Variants in COL6A1 observed in about 807,000 individuals in gnomAD.
COL6A1 encodes the protein collagen type VI alpha 1 chain.
A neutral mutation model predicts 145.6 loss-of-function variants in COL6A1; 80 were observed. The observed-to-expected ratio is 0.55, with a 90% CI of 0.46 to 0.66. COL6A1 has a LOEUF of 0.66. Among genes scored for constraint, COL6A1 ranks in the 30% least tolerant of loss-of-function variants. The pLI is 0.00. For missense variants in COL6A1, 1,364 were observed against 1,473.8 expected (o/e 0.93, Z 1.22); for synonymous variants, 638 against 622.8 (o/e 1.02, Z -0.36).
rs2077853697 is a variant in COL6A1 at position 46,002,617 on chromosome 21, C to G, written c.2341C>G (p.Gln781Glu). The G allele has an allele frequency of 1.2e-6, 2 of 1,614,100 alleles. No homozygotes were observed. Among genetic ancestry groups the G allele is most frequent in the East Asian group, 4.5e-5 (2 of 44,880 alleles). Residue 781 changes from glutamine to glutamate, a missense_variant, in exon 33 of 35, where the codon CAG (glutamine) becomes GAG (glutamate). Gln to Glu is a conservative substitution (Grantham distance 29). This residue lies in a region of COL6A1 where 938 missense variants were observed against 1,003.8 expected (regional missense o/e 0.93). Transcript: ENST00000361866. Reference sequence around the variant, plus strand: ...TTCTTGCCAAGGCCTGGCACCATCCCAGGGCCGGCCCGGCCTCTCGCTGGT... The same window carrying G: ...TTCTTGCCAAGGCCTGGCACCATCCGAGGGCCGGCCCGGCCTCTCGCTGGT... Reference protein sequence around the residue: ...VISCQGLAPSQGRPGLSLVKE... With the variant: ...VISCQGLAPSEGRPGLSLVKE...
chr21:45,989,003 T>C, intron 8 of COL6A1, 81 bp from the exon 9 acceptor site: 1 of 1,541,042 alleles, frequency 6.5e-7, no homozygotes, highest in Non-Finnish European at 8.9e-7. Context: ...GGATGAAGCG[T>C]CTTTTTAAAA....
Position 45,984,341 on chromosome 21 carries a change from C to A in COL6A1, c.300C>A (p.Ile100=). 6.2e-7 allele frequency: 1 copy of A among 1,612,492 alleles called. No homozygotes were observed. Among genetic ancestry groups the A allele is most frequent in the South Asian group, 1.1e-5 (1 of 91,036 alleles). ...ALHYSDEVEI[I]QGLTRMPGGR... is the part of the protein sequence containing the mutation. Reference sequence around the variant, plus strand: ...ACTACAGTGACGAGGTGGAGATCATCCAAGGCCTCACGCGCATGCCTGGCG... The same window carrying A: ...ACTACAGTGACGAGGTGGAGATCATACAAGGCCTCACGCGCATGCCTGGCG... The change falls in exon 3 of 35, where the codon ATC becomes ATA. Residue 100 remains isoleucine, a synonymous_variant. Coordinates refer to ENST00000361866, the MANE Select transcript of COL6A1 (RefSeq NM_001848.3).
chr21:45,990,983 T>C lies in COL6A1; in HGVS notation c.1061T>C (p.Ile354Thr), dbSNP rs2077773578. The change falls in exon 15 of 35, where the codon ATT becomes ACT. Residue 354 changes from isoleucine (I) to threonine (T), a missense_variant. Ile to Thr is a moderately conservative substitution (Grantham distance 89). Transcript: ENST00000361866. ...ATGCTGCCCTCTTTTCTCCAGGGCATTCAAGGACCCCCTGGCCCCAAGGGA... is the reference window on the plus strand; with the variant it reads ...ATGCTGCCCTCTTTTCTCCAGGGCACTCAAGGACCCCCTGGCCCCAAGGGA... ...GCKGSPGFDG[I>T]QGPPGPKGDP... is the part of the protein sequence containing the mutation. The C allele has an allele frequency of 1.2e-6, 2 of 1,613,240 alleles. No homozygotes were observed. The highest frequency in any genetic ancestry group is 8.5e-7 in the Non-Finnish European group (1 of 1,179,918).
chr21:45,986,001 C>G (rs1306435516), intron 3 of COL6A1, among the ~76,000 whole-genome samples: 1 of 152,214 alleles, frequency 6.6e-6, no homozygotes, highest in African/African-American at 2.4e-5. Flanking sequence ...GCTCAGCGTC[C>G]CCAGCAGGCT....
At position 45,990,787 on chromosome 21, in the gene COL6A1, C is replaced by T; in HGVS notation, c.1017C>T (p.Tyr339=). 6.2e-7 allele frequency: 1 copy of T among 1,613,372 alleles called. No homozygotes were observed. Among genetic ancestry groups the T allele is most frequent in the African/African-American group, 1.3e-5 (1 of 74,994 alleles). ...CCTCTTTCCAGGGGGAGATGGGGTA[C>T]CCAGGCCTGCCAGGCTGCAAGGGCT... ...GVDGVKGEMG[Y]PGLPGCKGSP... The change falls in exon 14 of 35, where the codon TAC becomes TAT. Residue 339 remains tyrosine (Y), a synonymous_variant. Transcript: ENST00000361866.
chr21:45,999,159 G>A lies in COL6A1; in HGVS notation c.1681G>A (p.Asp561Asn), dbSNP rs140517685. 106 of 1,600,250 alleles carry A rather than the reference G, an allele frequency of 6.6e-5. No homozygotes were observed. Among genetic ancestry groups the A allele is most frequent in the South Asian group, 3.0e-4 (27 of 88,526 alleles). ...CAACGCTGTTCCCTTCTAGAACAAC[G>A]ACATTGCACCCCGAGGAGTCAAAGG... ...EAGDPGDDNN[D>N]IAPRGVKGAK... The change falls in exon 26 of 35, where the codon GAC becomes AAC. Residue 561 changes from aspartate (D) to asparagine (N), a missense_variant. Around this residue, in one of 3 missense-constraint regions of COL6A1, gnomAD observed 938 missense variants for 1,003.8 expected, o/e 0.93. Transcript: ENST00000361866.
chr21:45,992,622 G>A, intron 18 of COL6A1, 126 bp from the exon 19 acceptor site: 1 of 1,076,032 alleles, frequency 9.3e-7, no homozygotes, highest in Non-Finnish European at 1.4e-6. Flanking sequence ...GGGGCATGCG[G>A]TGGAGGGGTG....
At chr21:45,998,480 A>AAC (rs780006360) in intron 24 of COL6A1, 47 bp downstream of exon 24, 1 of 1,612,192 alleles carries the variant, frequency 6.2e-7, no homozygotes, top group Non-Finnish European at 8.5e-7. Flanking sequence ...ACAAACATTC[A>AAC]CAGTCACAGG....
intron 1 of COL6A1, 48 bp downstream of exon 1, chr21:45,981,995 G>A: frequency 2.1e-6 from 3 of 1,446,684 alleles, no homozygotes; most frequent in Non-Finnish European, 2.9e-6. Flanking sequence ...GCTCTTTGCT[G>A]CCGGCCAGGG....
intron 20 of COL6A1, among the ~76,000 whole-genome samples, chr21:45,995,707 A>G (rs1033611213): frequency 6.6e-6 from 1 of 152,140 alleles, no homozygotes; most frequent in Middle Eastern, 3.2e-3. Flanking sequence ...GGTGGGTCCC[A>G]TGCCTGGGGG....
intron 15 of COL6A1, 144 bp from the exon 16 acceptor site, chr21:45,991,866 G>C (rs917374466): frequency 1.3e-6 from 1 of 767,564 alleles, no homozygotes; most frequent in South Asian, 1.6e-5. Context: ...GATGGCTGAG[G>C]GTGCTGGGGG....
intron 3 of COL6A1, among the ~76,000 whole-genome samples, chr21:45,984,769 C>T (rs2077728233): frequency 6.8e-6 from 1 of 147,536 alleles, no homozygotes; most frequent in Admixed American, 6.7e-5. Context: ...CAGACAGAGA[C>T]AAACAGAGAC....
rs1603589574 is a variant in COL6A1, at chr21:45,984,347, C to A, written c.306C>A (p.Gly102=). ...GTGACGAGGTGGAGATCATCCAAGG[C>A]CTCACGCGCATGCCTGGCGGCCGCG... ...HYSDEVEIIQ[G]LTRMPGGRDA... is the part of the protein sequence containing the mutation. Residue 102 remains glycine (G), a synonymous_variant, in exon 3 of 35, where the codon GGC becomes GGA. Transcript: ENST00000361866. 1 of 1,612,434 alleles carries A rather than the reference C, an allele frequency of 6.2e-7. No homozygotes were observed. The highest frequency in any genetic ancestry group is 1.1e-5 in the South Asian group (1 of 91,046).
At chr21:45,983,618 C>G (rs1435262064) in intron 2 of COL6A1, among the ~76,000 whole-genome samples, 1 of 149,400 alleles carries the variant, frequency 6.7e-6, no homozygotes, top group Non-Finnish European at 1.5e-5. Flanking sequence ...ACCAGGAACC[C>G]TGAGCTTAGT....
chr21:45,987,173 G>A lies in COL6A1; in HGVS notation c.736G>A (p.Val246Met). Reference sequence around the variant, plus strand: ...TTTCCAGAAAAATAACGTGGAGCAAGTGGTAAGAGCCCTCCCCACCACCCC... The same window carrying A: ...TTTCCAGAAAAATAACGTGGAGCAAATGGTAAGAGCCCTCCCCACCACCCC... ...VDMIKNNVEQ[V>M]CCSFECQPAR... Residue 246 changes from valine to methionine, a missense_variant and splice_region_variant, in exon 6 of 35, where the codon GTG (valine) becomes ATG (methionine). Transcript: ENST00000361866. 6.3e-7 allele frequency: 1 copy of A among 1,596,996 alleles called. No individual in the cohort carries two copies. The highest frequency in any genetic ancestry group is 1.3e-5 in the African/African-American group (1 of 74,954).
Position 45,992,405 on chromosome 21 carries a change from G to A in COL6A1, c.1272+7G>A. ...CGGTGCCCCCGGGGAGCGGGTGAGT[G>A]GGGCAGGGGCAGCCTGCGCTGTTGG... is the stretch of plus-strand genomic sequence containing the variant. On this transcript the variant is annotated splice_region_variant and intron_variant, in intron 18 of 34. Coordinates refer to ENST00000361866, the MANE Select transcript of COL6A1 (RefSeq NM_001848.3). 6.2e-7 allele frequency: 1 copy of A among 1,612,270 alleles called. No homozygotes were observed. Among genetic ancestry groups the A allele is most frequent in the Non-Finnish European group, 8.5e-7 (1 of 1,179,612 alleles).
chr21:45,996,422 A>G (rs1451045327), intron 20 of COL6A1, among the ~76,000 whole-genome samples: 1 of 152,198 alleles, frequency 6.6e-6, no homozygotes, highest in Non-Finnish European at 1.5e-5. Flanking sequence ...GGGTAGAGAG[A>G]GCAATACACT....
At position 45,992,016 on chromosome 21, in the gene COL6A1, C is replaced by G. The variant is rs532476375; in HGVS notation, c.1126C>G (p.Pro376Ala). ...AFGLKGEKGE[P>A]GADGEAGRPG... Reference sequence around the variant, plus strand: ...CTCCCCCGGTCTTCCCCAGGGCGAGCCTGGAGCTGACGGGGAGGCGGGGAG... The same window carrying G: ...CTCCCCCGGTCTTCCCCAGGGCGAGGCTGGAGCTGACGGGGAGGCGGGGAG... The change falls in exon 16 of 35, where the codon CCT (proline) becomes GCT (alanine). Residue 376 changes from proline (P) to alanine (A), a missense_variant. Coordinates refer to ENST00000361866, the MANE Select transcript of COL6A1 (RefSeq NM_001848.3). 1 of 1,594,980 alleles carries G rather than the reference C, an allele frequency of 6.3e-7. No homozygotes were observed. Among genetic ancestry groups the G allele is most frequent in the African/African-American group, 1.3e-5 (1 of 74,746 alleles).
rs750053467 is a variant in COL6A1, at chr21:46,001,210, G to A, written c.1823-43G>A. The A allele has an allele frequency of 3.1e-6, 5 of 1,590,708 alleles. No individual in the cohort carries two copies. In the South Asian group the frequency reaches 5.5e-5, roughly 18 times the overall value. ...GGTGGAGGGGAGGGGCCAGGGCACT[G>A]GAGGGGAGGGGCGTGCTCTGCTGAC... On this transcript the variant is annotated intron_variant, in intron 29 of 34. Coordinates refer to ENST00000361866, the MANE Select transcript of COL6A1 (RefSeq NM_001848.3).
Sources: allele counts gnomAD v4.1 joint callset (sites outside exome capture counted in the v4.1 genomes callset), GRCh38; gene constraint gnomAD v4.1.1; regional missense constraint gnomAD v4.1.1; transcripts MANE v1.5; gene names NCBI Gene and HGNC (gene_info 2026-07-23, HGNC 2026-07-21).